The following AGMO variants were observed in gnomAD, a reference collection of about 807,000 sequenced individuals.
AGMO encodes glyceryl-ether monooxygenase.
Under a neutral mutation model 60.2 loss-of-function variants are expected in AGMO, and 75 were observed. The ratio of observed to expected loss-of-function variants is 1.25; its 90% CI spans 1.03 to 1.51. AGMO has a LOEUF of 1.51. Among genes scored for constraint, AGMO ranks in the 40% most tolerant of loss-of-function variants. The probability of loss-of-function intolerance (pLI) is 0.00; values close to 1 mark genes in which losing one functional copy is unlikely to be tolerated. For synonymous variants in AGMO, 261 were observed against 177.1 expected, an observed-to-expected ratio of 1.47 and a Z score of -3.76; for missense variants, 763 against 525.5, an observed-to-expected ratio of 1.45 and a Z score of -4.42.
intron 12 of AGMO, among the ~76,000 whole-genome samples, chr7:15,248,215 T>TATATATAC (rs1782820760): frequency 1.2e-5 from 1 of 86,434 alleles, no homozygotes; most frequent in Non-Finnish European, 2.6e-5. Flanking sequence ...TATATATATA[T>TATATATAC]ATATATATAT....
Position 15,375,422 on chromosome 7 carries a change from G to C in AGMO, c.1075-9200C>G, listed in dbSNP as rs984938028. On this transcript the variant is annotated intron_variant, in intron 10 of 12. Coordinates refer to ENST00000342526, the MANE Select transcript of AGMO (RefSeq NM_001004320.2). ...TTTTTTTTTTTTTTTTTGAGACAGA[G>C]TCTTGCTCTGTTGCCTAGGCTGGAG... 4.0e-5 allele frequency among the ~76,000 whole-genome samples: 5 copies of C among 125,156 alleles called. No homozygotes were observed. In the East Asian group the frequency reaches 6.9e-4, roughly 17 times the overall value. The allele number at this position is 125,156 out of a possible 152,430, so 82.1% of individuals were successfully genotyped here.
intron 12 of AGMO, among the ~76,000 whole-genome samples, chr7:15,235,648 T>G (rs1216802723): frequency 2.0e-5 from 3 of 152,096 alleles, no homozygotes; most frequent in Non-Finnish European, 4.4e-5. Context: ...AGAAAATAGA[T>G]CCTAAAGAAA....
chr7:15,496,080 A>T (rs1403670906), intron 3 of AGMO, among the ~76,000 whole-genome samples: 2 of 152,156 alleles, frequency 1.3e-5, no homozygotes, highest in Non-Finnish European at 2.9e-5. Flanking sequence ...AACACATTAA[A>T]GAGGCAATAG....
chr7:15,184,435 AAGGG>A, the AGMO span, among the ~76,000 whole-genome samples: 1 of 131,056 alleles, frequency 7.6e-6, no homozygotes, highest in Non-Finnish European at 1.6e-5. Flanking sequence ...AGAAGGAAGG[AAGGG>A]AGGGAGGGAA....
At position 15,219,417 on chromosome 7, in the gene AGMO, G is replaced by A. The variant is rs1041700301; in HGVS notation, c.1264-18058C>T. On this transcript the variant is annotated intron_variant, in intron 12 of 12. Coordinates refer to ENST00000342526, the MANE Select transcript of AGMO (RefSeq NM_001004320.2). ...TAAAGTGAGACAAGAAAGATGAAGA[G>A]GAGTTTGCTAGCTGAACACAGGAGG... 8.9e-4 allele frequency among the ~76,000 whole-genome samples: 135 copies of A among 152,026 alleles called. 9 individuals carry two copies. The highest frequency in any genetic ancestry group is 2.1e-4 in the Non-Finnish European group (14 of 68,026).
chr7:15,301,814 G>C (rs1054559137), intron 12 of AGMO, among the ~76,000 whole-genome samples: 7 of 151,892 alleles, frequency 4.6e-5, no homozygotes, highest in African/African-American at 1.7e-4. Context: ...TATTTTTACT[G>C]TTAAATTTTT....
intron 3 of AGMO, among the ~76,000 whole-genome samples, chr7:15,486,616 C>G (rs573775783): frequency 8.4e-4 from 128 of 152,240 alleles, no homozygotes; most frequent in Non-Finnish European, 1.4e-3. Flanking sequence ...TAAGAGACCA[C>G]AGGTTAAATT....
the AGMO span, among the ~76,000 whole-genome samples, chr7:15,194,797 T>C: frequency 6.6e-6 from 1 of 152,188 alleles, no homozygotes; most frequent in Admixed American, 6.5e-5. Flanking sequence ...GGTTTCCTAG[T>C]GTGCCGTGTG....
At chr7:15,344,165 C>T (rs1781952618) in intron 12 of AGMO, among the ~76,000 whole-genome samples, 1 of 152,050 alleles carries the variant, frequency 6.6e-6, no homozygotes, top group African/African-American at 2.4e-5. Context: ...ATACCTGAAG[C>T]ATCTAAACAA....
chr7:15,332,133 T>C (rs1276510775), intron 12 of AGMO, among the ~76,000 whole-genome samples: 1 of 152,064 alleles, frequency 6.6e-6, no homozygotes, highest in Non-Finnish European at 1.5e-5. Flanking sequence ...AAGGCTAACA[T>C]TGGTCTTTTT....
rs545027434 is a variant in AGMO at position 15,462,558 on chromosome 7, G to T, written c.410-31450C>A. 7.9e-5 allele frequency among the ~76,000 whole-genome samples: 12 copies of T among 152,188 alleles called. No homozygotes were observed. In the East Asian group the frequency reaches 2.3e-3, roughly 29 times the overall value. Reference sequence around the variant, plus strand: ...CTAAAAATAAAAGTTAATAGGCGTGGCTAAATTATAGTCATGCAGGTTGCA... The same window carrying T: ...CTAAAAATAAAAGTTAATAGGCGTGTCTAAATTATAGTCATGCAGGTTGCA... On this transcript the variant is annotated intron_variant, in intron 3 of 12. Coordinates refer to ENST00000342526, the MANE Select transcript of AGMO (RefSeq NM_001004320.2).
rs1214830135 is a variant in AGMO, at chr7:15,550,532, C to T, written c.258-5609G>A. Among the ~76,000 whole-genome samples, 6 of 152,102 alleles carry T rather than the reference C, an allele frequency of 3.9e-5. No individual in the cohort carries two copies. In the South Asian group the frequency reaches 8.3e-4, roughly 21 times the overall value. On this transcript the variant is annotated intron_variant, in intron 2 of 12. Transcript: ENST00000342526. Reference sequence around the variant, plus strand: ...TACAAACTACCATCAGAGAATACTACAAACACCTCTACACAAATAAACTAG... The same window carrying T: ...TACAAACTACCATCAGAGAATACTATAAACACCTCTACACAAATAAACTAG...
intron 12 of AGMO, among the ~76,000 whole-genome samples, chr7:15,273,755 C>T (rs1489669195): frequency 6.6e-6 from 1 of 152,170 alleles, no homozygotes; most frequent in African/African-American, 2.4e-5. Flanking sequence ...TATCCATGAA[C>T]ATGGAATGTT....
At chr7:15,187,210 C>A in the AGMO span, among the ~76,000 whole-genome samples, 3 of 152,152 alleles carry the variant, frequency 2.0e-5, no homozygotes, top group African/African-American at 7.2e-5. Context: ...ATCAATGCAT[C>A]AGTTACTTGG....
intron 12 of AGMO, among the ~76,000 whole-genome samples, chr7:15,245,472 G>A (rs181220670): frequency 5.3e-4 from 81 of 152,264 alleles, no homozygotes; most frequent in Middle Eastern, 6.8e-3. Flanking sequence ...GAACAAAATT[G>A]CATTCAGCCT....
At chr7:15,179,818 C>T in the AGMO span, among the ~76,000 whole-genome samples, 1 of 152,142 alleles carries the variant, frequency 6.6e-6, no homozygotes, top group African/African-American at 2.4e-5. Flanking sequence ...ATTCTGTAAG[C>T]TTGCAGAATT....
intron 2 of AGMO, among the ~76,000 whole-genome samples, chr7:15,546,043 C>T (rs946372216): frequency 6.6e-6 from 1 of 151,996 alleles, no homozygotes; most frequent in South Asian, 2.1e-4. Context: ...TACAGTATTT[C>T]CCTTCACAGA....
intron 4 of AGMO, among the ~76,000 whole-genome samples, chr7:15,425,599 C>T (rs573279106): frequency 1.3e-5 from 2 of 151,758 alleles, no homozygotes; most frequent in Non-Finnish European, 1.5e-5. Flanking sequence ...CCACCACACC[C>T]GACTAATTTA....
At chr7:15,455,407 T>G (rs1781975749) in intron 3 of AGMO, among the ~76,000 whole-genome samples, 1 of 152,126 alleles carries the variant, frequency 6.6e-6, no homozygotes, top group Non-Finnish European at 1.5e-5. Context: ...TTATGGTGAC[T>G]TTGGGTCACC....
Sources: gnomAD v4.1 joint callset for allele counts (sites outside exome capture counted in the v4.1 genomes callset) on GRCh38, gnomAD v4.1.1 for gene constraint, MANE v1.5 for transcripts, NCBI Gene and HGNC (gene_info 2026-07-23, HGNC 2026-07-21) for gene names.